The following KCNQ1 variants were observed in gnomAD, a reference collection of about 807,000 sequenced individuals.
KCNQ1 encodes the protein potassium voltage-gated channel subfamily Q member 1.
In KCNQ1, 49 loss-of-function variants were observed where a neutral mutation model predicts 72.4. The observed-to-expected ratio is 0.68, with a 90% CI of 0.54 to 0.86. The LOEUF is 0.86. KCNQ1 is among the 40% of genes least tolerant of loss of function. The pLI is 0.00. For missense variants in KCNQ1, 790 were observed against 945.1 expected (o/e 0.84, Z 2.15); for synonymous variants, 450 against 412.6 (o/e 1.09, Z -1.10).
chr11:2,519,335 A>G (rs2133631517), intron 1 of KCNQ1, among the ~76,000 whole-genome samples: 1 of 152,368 alleles, frequency 6.6e-6, no homozygotes, highest in South Asian at 2.1e-4. Context: ...TGCTGACACC[A>G]GTGGGCGTGG....
intron 6 of KCNQ1, among the ~76,000 whole-genome samples, chr11:2,580,320 C>A (rs1848480863): frequency 6.6e-6 from 1 of 152,142 alleles, no homozygotes; most frequent in Non-Finnish European, 1.5e-5. Context: ...GACGGAGAAG[C>A]CTGGCTCGTG....
intron 10 of KCNQ1, chr11:2,632,591 A>G (rs1849378606): frequency 2.5e-6 from 1 of 398,238 alleles, no homozygotes; most frequent in South Asian, 1.3e-4. Context: ...ATTGTGATAC[A>G]TGTATATAAT....
In KCNQ1 at chr11:2,670,361, T is replaced by C. The variant is rs1271175391; in HGVS notation, c.1514+8280T>C. 1 of 398,400 alleles carries C rather than the reference T, an allele frequency of 2.5e-6. No individual in the cohort carries two copies. Among genetic ancestry groups the C allele is most frequent in the Non-Finnish European group, 4.4e-6 (1 of 226,062 alleles). 24.7% of individuals were successfully genotyped at this position (398,400 alleles called of 1,614,324 possible). The stretch of plus-strand genomic sequence containing the variant: ...GACTCAGTGGCTTTCAGATGGTTAG[T>C]ATAGGCTGAAATTCCAAGAGCATTA... On this transcript the variant is annotated intron_variant, in intron 11 of 15. Coordinates refer to ENST00000155840, the MANE Select transcript of KCNQ1 (RefSeq NM_000218.3). This position sits in a 1 kb window ranked among gnomAD's most constrained non-coding sequence, Gnocchi z 4.9.
chr11:2,683,135 G>C lies in KCNQ1; in HGVS notation c.1514+21054G>C, dbSNP rs1164298502. On this transcript the variant is annotated intron_variant, in intron 11 of 15. Transcript: ENST00000155840. The surrounding 1 kb of genome is among the most constrained non-coding windows in gnomAD (Gnocchi z 4.7). ...ATATCGCACCAACTCAGGAGGGTGT[G>C]GGGATGGGCTAGCATTAGGAATGGG... The C allele has an allele frequency of 2.5e-5, 10 of 398,512 alleles. No individual in the cohort carries two copies. The highest frequency in any genetic ancestry group is 1.3e-4 in the Admixed American group (3 of 22,710). 24.7% of individuals were successfully genotyped at this position (398,512 alleles called of 1,614,324 possible). A position where few individuals can be genotyped will look rare whatever the true frequency, so the allele number is the denominator to read the frequency against.
At position 2,516,203 on chromosome 11, in the gene KCNQ1, G is replaced by C. The variant is rs1369000794; in HGVS notation, c.387-11725G>C. Reference sequence around the variant, plus strand: ...GGAGTCCAGTTCTCGCCAACCGCTCGATGCTGTGTGACTTGAGGCAGGTCC... The same window carrying C: ...GGAGTCCAGTTCTCGCCAACCGCTCCATGCTGTGTGACTTGAGGCAGGTCC... On this transcript the variant is annotated intron_variant, in intron 1 of 15. Coordinates refer to ENST00000155840, the MANE Select transcript of KCNQ1 (RefSeq NM_000218.3). This position sits in a 1 kb window ranked among gnomAD's most constrained non-coding sequence, Gnocchi z 7.0. Among the ~76,000 whole-genome samples the C allele has an allele frequency of 6.6e-6, 1 of 152,072 alleles. No homozygotes were observed. The highest frequency in any genetic ancestry group is 6.5e-5 in the Admixed American group (1 of 15,272).
intron 11 of KCNQ1, among the ~76,000 whole-genome samples, chr11:2,727,817 G>A (rs1163201696): frequency 6.6e-6 from 1 of 152,148 alleles, no homozygotes; most frequent in Non-Finnish European, 1.5e-5. Flanking sequence ...GCCTGGTGTG[G>A]GCTCGTCTTG....
At position 2,743,593 on chromosome 11, in the gene KCNQ1, C is replaced by G. The variant is rs550921499; in HGVS notation, c.1515-25251C>G. 9.2e-5 allele frequency among the ~76,000 whole-genome samples: 14 copies of G among 152,334 alleles called. No individual in the cohort carries two copies. In the South Asian group the frequency reaches 2.9e-3, roughly 32 times the overall value. ...TCCCTACGCCAGTCCCTGCATGGCC[C>G]TATGGGGACTTGCGTCTCCCCGGAG... On this transcript the variant is annotated intron_variant, in intron 11 of 15. Coordinates refer to ENST00000155840, the MANE Select transcript of KCNQ1 (RefSeq NM_000218.3).
At chr11:2,630,129 G>T in intron 10 of KCNQ1, 1 of 398,282 alleles carries the variant, frequency 2.5e-6, no homozygotes, top group Non-Finnish European at 4.4e-6. Flanking sequence ...TATCATGGAA[G>T]GATGTTGAAT....
chr11:2,513,287 C>T (rs1234167933), intron 1 of KCNQ1, among the ~76,000 whole-genome samples: 5 of 152,168 alleles, frequency 3.3e-5, no homozygotes, highest in East Asian at 1.9e-4. Flanking sequence ...GATATGGCCA[C>T]GCAGAGACTA....
chr11:2,585,512 T>C (rs1292421864), intron 8 of KCNQ1, among the ~76,000 whole-genome samples: 1 of 152,200 alleles, frequency 6.6e-6, no homozygotes, highest in Non-Finnish European at 1.5e-5. Context: ...CCAAAGCTGC[T>C]CCCATCAAGG....
rs1847910110 is a variant in KCNQ1, at chr11:2,547,002, GT to G, written c.477+18989del. ...ATTTGTGTCTTTAGACTCAAAACTT[GT>G]TTTTCATATGAAGCATATAGTTGAG... On this transcript the variant is annotated intron_variant, in intron 2 of 15. Transcript: ENST00000155840. This position sits in a 1 kb window ranked among gnomAD's most constrained non-coding sequence, Gnocchi z 4.2. 6.6e-6 allele frequency among the ~76,000 whole-genome samples: 1 copy of G among 152,050 alleles called. No homozygotes were observed. Among genetic ancestry groups the G allele is most frequent in the South Asian group, 2.1e-4 (1 of 4,818 alleles).
chr11:2,789,143 T>G (rs1444859494), intron 15 of KCNQ1, among the ~76,000 whole-genome samples: 1 of 152,134 alleles, frequency 6.6e-6, no homozygotes, highest in Non-Finnish European at 1.5e-5. Context: ...CCCAGCACCT[T>G]CTTTGGAAAG....
chr11:2,514,935 G>A (rs1238322776), intron 1 of KCNQ1, among the ~76,000 whole-genome samples: 1 of 152,214 alleles, frequency 6.6e-6, no homozygotes, highest in Non-Finnish European at 1.5e-5. Context: ...CAGCTCCAGG[G>A]CACCTGAGGC....
At position 2,541,516 on chromosome 11, in the gene KCNQ1, A is replaced by C. The variant is rs1260859945; in HGVS notation, c.477+13498A>C. Among the ~76,000 whole-genome samples, 9 of 151,700 alleles carry C rather than the reference A, an allele frequency of 5.9e-5. No individual in the cohort carries two copies. The highest frequency in any genetic ancestry group is 1.2e-4 in the Non-Finnish European group (8 of 67,944). ...CGTTGGTTAGTTCTCAGTGTGGCCT[A>C]CCCAGCCAGGTCCCTGGACCTGGCG... On this transcript the variant is annotated intron_variant, in intron 2 of 15. Transcript: ENST00000155840. This position sits in a 1 kb window ranked among gnomAD's most constrained non-coding sequence, Gnocchi z 4.8.
intron 1 of KCNQ1, among the ~76,000 whole-genome samples, chr11:2,519,452 G>A (rs2133631774): frequency 6.6e-6 from 1 of 152,260 alleles, no homozygotes; most frequent in Non-Finnish European, 1.5e-5. Context: ...TTTTAATTAT[G>A]TTTTAAAAAT....
Position 2,592,204 on chromosome 11 carries a change from T to C in KCNQ1, c.1393+3350T>C, listed in dbSNP as rs543632807. 6.6e-6 allele frequency among the ~76,000 whole-genome samples: 1 copy of C among 152,342 alleles called. No homozygotes were observed. Among genetic ancestry groups the C allele is most frequent in the Admixed American group, 6.5e-5 (1 of 15,306 alleles). On this transcript the variant is annotated intron_variant, in intron 10 of 15. Coordinates refer to ENST00000155840, the MANE Select transcript of KCNQ1 (RefSeq NM_000218.3). This position sits in a 1 kb window ranked among gnomAD's most constrained non-coding sequence, Gnocchi z 5.2. Reference sequence around the variant, plus strand: ...GTGCTCTAGCTGGTGCTGTGCGGTGTTGGCCCCATTTATAGATGGAGAAAC... The same window carrying C: ...GTGCTCTAGCTGGTGCTGTGCGGTGCTGGCCCCATTTATAGATGGAGAAAC...
intron 1 of KCNQ1, among the ~76,000 whole-genome samples, chr11:2,519,664 C>T (rs1292207839): frequency 6.6e-6 from 1 of 152,096 alleles, no homozygotes; most frequent in Non-Finnish European, 1.5e-5. Context: ...ACAACAACAA[C>T]TAATATATGT....
chr11:2,460,784 A>G (rs1016439717), intron 1 of KCNQ1, among the ~76,000 whole-genome samples: 12 of 152,218 alleles, frequency 7.9e-5, no homozygotes, highest in Admixed American at 7.2e-4. Context: ...GTGTGTCTCC[A>G]CAGTGGGGGA....
rs1186745368 is a variant in KCNQ1, at chr11:2,695,100, G to C, written c.1514+33019G>C. The C allele has an allele frequency of 1.3e-4, 51 of 398,662 alleles. No individual in the cohort carries two copies. The East Asian group carries it at 1.8e-3, about 14-fold the overall frequency. The allele number at this position is 398,662 out of a possible 1,614,324, so 24.7% of individuals were successfully genotyped here. ...TCCTAGAAATAGAAGCCACTAGAGG[G>C]TATCTGGCAGGAGAGTCATGGAGGC... On this transcript the variant is annotated intron_variant, in intron 11 of 15. Coordinates refer to ENST00000155840, the MANE Select transcript of KCNQ1 (RefSeq NM_000218.3). The surrounding 1 kb of genome is among the most constrained non-coding windows in gnomAD (Gnocchi z 5.2).
Sources: gnomAD v4.1 joint callset for allele counts (sites outside exome capture counted in the v4.1 genomes callset) on GRCh38, gnomAD v4.1.1 for gene constraint, Gnocchi (gnomAD v3.1) non-coding constraint, MANE v1.5 for transcripts, NCBI Gene and HGNC (gene_info 2026-07-23, HGNC 2026-07-21) for gene names.